Variants in BEAN1 observed in about 807,000 individuals in gnomAD.
The protein encoded by BEAN1 is brain expressed associated with NEDD4 1.
Under a neutral mutation model 17.7 loss-of-function variants are expected in BEAN1, and 17 were observed. The ratio of observed to expected loss-of-function variants is 0.96; its 90% CI spans 0.66 to 1.44. BEAN1 has a LOEUF of 1.44. BEAN1 is among the 40% of genes most tolerant of loss of function. The probability of loss-of-function intolerance (pLI) is 0.00; values close to 1 mark genes in which losing one functional copy is unlikely to be tolerated. For synonymous variants in BEAN1, 142 were observed against 151.8 expected (o/e 0.94, Z 0.47); for missense variants, 359 against 374.1 (o/e 0.96, Z 0.33).
At chr16:66,463,374 T>A (rs1265017228) in intron 2 of BEAN1, among the ~76,000 whole-genome samples, 2 of 152,352 alleles carry the variant, frequency 1.3e-5, no homozygotes, top group East Asian at 3.9e-4. Context: ...GTGGCTTTGA[T>A]TTGCATTTCT....
downstream of BEAN1, among the ~76,000 whole-genome samples, chr16:66,486,223 T>C (rs1366413315): frequency 1.3e-5 from 2 of 152,054 alleles, no homozygotes; most frequent in African/African-American, 2.4e-5. Context: ...CTGTTGTTTG[T>C]TTGTTTGTTT....
At chr16:66,483,195 G>A (rs969216459), downstream of BEAN1, 9 of 225,022 alleles carry the variant, frequency 4.0e-5, no homozygotes, top group East Asian at 4.3e-4. Context: ...ATACACCTCC[G>A]GCTAGCAATC....
intron 4 of BEAN1, among the ~76,000 whole-genome samples, chr16:66,479,721 A>G (rs538730169): frequency 1.3e-5 from 2 of 152,242 alleles, no homozygotes; most frequent in East Asian, 3.9e-4. Context: ...GTGGGGGGTC[A>G]TGGAGCCAGA....
At chr16:66,463,086 A>G (rs1963142580) in intron 2 of BEAN1, among the ~76,000 whole-genome samples, 1 of 152,226 alleles carries the variant, frequency 6.6e-6, no homozygotes. Flanking sequence ...CGGGACTACC[A>G]TGAGTAATAC....
intron 3 of BEAN1, among the ~76,000 whole-genome samples, chr16:66,474,918 G>A (rs540273066): frequency 2.8e-4 from 42 of 152,254 alleles, no homozygotes; most frequent in African/African-American, 9.4e-4. Flanking sequence ...GGTGGAAGGG[G>A]TAACCACTGC....
chr16:66,475,078 C>T (rs943224626), intron 3 of BEAN1, among the ~76,000 whole-genome samples: 4 of 152,136 alleles, frequency 2.6e-5, no homozygotes, highest in Non-Finnish European at 4.4e-5. Context: ...ACCAAGGTAT[C>T]GGGGTAAACA....
chr16:66,490,456 A>AACTAAAC, intron 4 of BEAN1, among the ~76,000 whole-genome samples: 2 of 126,610 alleles, frequency 1.6e-5, no homozygotes, highest in Non-Finnish European at 3.2e-5. Context: ...AAATAAAATA[A>AACTAAAC]TAAAATAAAA....
chr16:66,459,995 T>A (rs1963022118), intron 2 of BEAN1, among the ~76,000 whole-genome samples: 1 of 152,184 alleles, frequency 6.6e-6, no homozygotes, highest in South Asian at 2.1e-4. Flanking sequence ...GCAGCTCCCC[T>A]GGGATGCACT....
intron 2 of BEAN1, among the ~76,000 whole-genome samples, chr16:66,453,350 C>G (rs569124487): frequency 6.6e-6 from 1 of 150,510 alleles, no homozygotes; most frequent in East Asian, 1.9e-4. Context: ...TATACACACA[C>G]ACACACACAC....
At chr16:66,467,631 A>G (rs1963303264) in intron 2 of BEAN1, among the ~76,000 whole-genome samples, 2 of 152,180 alleles carry the variant, frequency 1.3e-5, no homozygotes, top group African/African-American at 2.4e-5. Flanking sequence ...AGCATCCAAG[A>G]TGGAGTCACT....
chr16:66,491,386 G>C (rs578168437), intron 4 of BEAN1, among the ~76,000 whole-genome samples: 1 of 152,344 alleles, frequency 6.6e-6, no homozygotes, highest in South Asian at 2.1e-4. Flanking sequence ...CCTAAAGGTA[G>C]GCACTGCCAC....
downstream of BEAN1, chr16:66,485,595 G>A (rs1249723888): frequency 5.9e-6 from 1 of 170,924 alleles, no homozygotes; most frequent in Admixed American, 5.5e-5. Context: ...CTTGGGGGCT[G>A]GGCAGATCTT....
At chr16:66,492,408 G>A (rs941028932) in intron 4 of BEAN1, among the ~76,000 whole-genome samples, 1 of 151,586 alleles carries the variant, frequency 6.6e-6, no homozygotes, top group African/African-American at 2.4e-5. Context: ...GGGATACCTA[G>A]AGCCTTACCC....
rs1476353691 is a variant in BEAN1 at position 66,471,239 on chromosome 16, G to C, written c.289+1374G>C. On this transcript the variant is annotated intron_variant, in intron 3 of 4. Coordinates refer to ENST00000536005, the MANE Select transcript of BEAN1 (RefSeq NM_001178020.3). This position sits in a 1 kb window ranked among gnomAD's most constrained non-coding sequence, Gnocchi z 4.7. ...TAACTGGTTAAGGAGGGGACTGATG[G>C]GTAGCTGGAGCTGGTGAACAGGAGC... Among the ~76,000 whole-genome samples the C allele has an allele frequency of 6.6e-6, 1 of 152,220 alleles. No individual in the cohort carries two copies. The highest frequency in any genetic ancestry group is 1.5e-5 in the Non-Finnish European group (1 of 68,042).
Position 66,469,743 on chromosome 16 carries a change from TG to T in BEAN1, c.170del (p.Gly57AlafsTer115). The T allele has an allele frequency of 6.5e-7, 1 of 1,536,220 alleles. No homozygotes were observed. On this transcript the variant is annotated frameshift_variant, in exon 3 of 5. Transcript: ENST00000536005. LOFTEE classifies it high-confidence loss of function. ...ATCCTCTCCTGCATCACCATCATTG[TG>T]GGCAGCATCCGCAGGGACAGGCAGG... ...VIILSCITII[V>X]GSIRRDRQAR...
intron 3 of BEAN1, among the ~76,000 whole-genome samples, chr16:66,472,202 G>A (rs1963510074): frequency 6.6e-6 from 1 of 152,214 alleles, no homozygotes; most frequent in South Asian, 2.1e-4. Flanking sequence ...AGCTGGATAG[G>A]TGTCCCCCTC....
intron 4 of BEAN1, among the ~76,000 whole-genome samples, chr16:66,488,106 G>A (rs1964113746): frequency 6.6e-6 from 1 of 152,136 alleles, no homozygotes; most frequent in Non-Finnish European, 1.5e-5. Context: ...AAAGATGAGA[G>A]TGGCTGGCAG....
At chr16:66,484,592 A>C (rs1482910216), downstream of BEAN1, 1 of 454,136 alleles carries the variant, frequency 2.2e-6, no homozygotes, top group South Asian at 1.6e-5. The surrounding 1 kb of genome is among the most constrained non-coding windows in gnomAD (Gnocchi z 4.2). Context: ...AGGACGATGG[A>C]GACAGGGGCC....
At chr16:66,469,548 A>G in intron 2 of BEAN1, 54 bp from the exon 3 acceptor site, 1 of 1,476,942 alleles carries the variant, frequency 6.8e-7, no homozygotes, top group Non-Finnish European at 9.1e-7. Flanking sequence ...GCAGAGAAGG[A>G]AGGGGTGTGG....
Sources: allele counts gnomAD v4.1 joint callset (sites outside exome capture counted in the v4.1 genomes callset), GRCh38; gene constraint gnomAD v4.1.1; non-coding constraint Gnocchi (gnomAD v3.1); transcripts MANE v1.5; gene names NCBI Gene and HGNC (gene_info 2026-07-23, HGNC 2026-07-21).